The following NELL2 variants were observed in gnomAD, a reference collection of about 807,000 sequenced individuals.
The protein encoded by NELL2 is protein kinase C-binding protein NELL2.
A neutral mutation model predicts 109.6 loss-of-function variants in NELL2; 41 were observed. That is an observed-to-expected ratio of 0.37 (90% CI 0.29 to 0.49). NELL2 has a LOEUF of 0.49. Among genes scored for constraint, NELL2 ranks in the 20% least tolerant of loss-of-function variants. The probability of loss-of-function intolerance (pLI) is 0.98; values close to 1 mark genes in which losing one functional copy is unlikely to be tolerated. For missense variants in NELL2, 900 were observed against 1,008.3 expected (o/e 0.89, Z 1.45); for synonymous variants, 355 against 344.7 (o/e 1.03, Z -0.33).
At chr12:44,684,539 T>C in intron 12 of NELL2, among the ~76,000 whole-genome samples, 1 of 152,230 alleles carries the variant, frequency 6.6e-6, no homozygotes, top group Non-Finnish European at 1.5e-5. Flanking sequence ...TTTCCTGCTT[T>C]CTCTTGTGGG....
intron 15 of NELL2, among the ~76,000 whole-genome samples, chr12:44,601,636 G>T (rs1486099515): frequency 6.6e-6 from 1 of 152,080 alleles, no homozygotes; most frequent in Non-Finnish European, 1.5e-5. Context: ...AAACAGTTCT[G>T]TCTATAAAAG....
At chr12:44,580,376 G>T (rs1327741272) in intron 15 of NELL2, among the ~76,000 whole-genome samples, 1 of 152,122 alleles carries the variant, frequency 6.6e-6, no homozygotes, top group African/African-American at 2.4e-5. Context: ...AGCTCTCACA[G>T]AAAAGCATCA....
intron 1 of NELL2, among the ~76,000 whole-genome samples, chr12:44,909,779 A>T (rs115454621): frequency 0.015 from 2,244 of 151,498 alleles, 53 homozygotes; most frequent in African/African-American, 0.051. Flanking sequence ...ATATATATAC[A>T]CACACACAGC....
In NELL2 at chr12:44,902,391, G is replaced by A. The variant is rs577846990; in HGVS notation, c.38+11408C>T. Among the ~76,000 whole-genome samples, 5 of 152,262 alleles carry A rather than the reference G, an allele frequency of 3.3e-5. No individual in the cohort carries two copies. In the South Asian group the frequency reaches 1.0e-3, roughly 32 times the overall value. ...GGAGAACTAAAAACCGCTGCTCAAG[G>A]AAATAATAGAAGACACAAACAAATG... On this transcript the variant is annotated intron_variant, in intron 1 of 20. Coordinates refer to the NELL2 transcript ENST00000333837.
intron 18 of NELL2, 138 bp downstream of exon 18, chr12:44,521,862 A>C: frequency 1.3e-6 from 1 of 785,184 alleles, no homozygotes; most frequent in Non-Finnish European, 2.0e-6. Flanking sequence ...TCACCTCATC[A>C]TCCTAACCAG....
At chr12:44,781,808 C>T (rs1941971342) in intron 3 of NELL2, among the ~76,000 whole-genome samples, 1 of 151,826 alleles carries the variant, frequency 6.6e-6, no homozygotes, top group Admixed American at 6.6e-5. Flanking sequence ...GCAAAAACAT[C>T]CTTCAGGAAT....
chr12:44,833,727 C>T lies in NELL2; in HGVS notation c.185-17591G>A, dbSNP rs80276810. On this transcript the variant is annotated intron_variant, in intron 2 of 19. Coordinates refer to ENST00000429094, the MANE Select transcript of NELL2 (RefSeq NM_001145108.2). ...GAAGCAAGGTTTACAACCTTGGACT[C>T]GCGGTACAGCTCTAGGTAATACCTG... is the stretch of plus-strand genomic sequence containing the variant. 0.014 allele frequency among the ~76,000 whole-genome samples: 2,061 copies of T among 152,252 alleles called. 108 individuals are homozygous for T. The East Asian group carries it at 0.19, about 14-fold the overall frequency.
chr12:44,625,608 T>C (rs1946229411), intron 13 of NELL2, among the ~76,000 whole-genome samples: 1 of 152,008 alleles, frequency 6.6e-6, no homozygotes, highest in African/African-American at 2.4e-5. Flanking sequence ...TGGAGCAGGT[T>C]GGCATGATAC....
At chr12:44,708,289 A>C (rs1013380059) in intron 11 of NELL2, among the ~76,000 whole-genome samples, 6 of 152,190 alleles carry the variant, frequency 3.9e-5, no homozygotes, top group Non-Finnish European at 8.8e-5. Context: ...CCTAGAACAC[A>C]GTCTTGGGTG....
chr12:44,579,701 T>A (rs1944254415), intron 15 of NELL2, among the ~76,000 whole-genome samples: 2 of 152,204 alleles, frequency 1.3e-5, no homozygotes, highest in African/African-American at 4.8e-5. Flanking sequence ...TTAAACTGTT[T>A]TCTCACTGTA....
intron 12 of NELL2, among the ~76,000 whole-genome samples, chr12:44,675,221 A>T (rs1381009009): frequency 4.6e-5 from 7 of 152,160 alleles, no homozygotes; most frequent in Non-Finnish European, 1.0e-4. Flanking sequence ...AAGAAGCCTG[A>T]ACTCTGGACC....
chr12:44,569,472 A>G (rs908159371), intron 15 of NELL2, among the ~76,000 whole-genome samples: 3 of 152,154 alleles, frequency 2.0e-5, no homozygotes, highest in African/African-American at 7.2e-5. Flanking sequence ...GCTTGCCACA[A>G]TGGTTGAACT....
At chr12:44,616,125 A>G (rs1471998324) in intron 13 of NELL2, among the ~76,000 whole-genome samples, 2 of 152,156 alleles carry the variant, frequency 1.3e-5, no homozygotes, top group Admixed American at 1.3e-4. Context: ...TACCAGCAAT[A>G]TCCTAGATCC....
intron 3 of NELL2, among the ~76,000 whole-genome samples, chr12:44,812,675 C>T (rs993143375): frequency 2.6e-5 from 4 of 151,896 alleles, no homozygotes; most frequent in Non-Finnish European, 5.9e-5. Flanking sequence ...GCAAGAAGAA[C>T]AGGAAAAAAT....
chr12:44,809,848 C>T (rs11182692), intron 3 of NELL2, among the ~76,000 whole-genome samples: 29,273 of 151,964 alleles, frequency 0.19, 3,065 homozygotes, highest in South Asian at 0.3. Flanking sequence ...CCAGAGCATG[C>T]CCATTAATCC....
At chr12:44,703,400 C>T (rs941241124) in intron 12 of NELL2, among the ~76,000 whole-genome samples, 1 of 151,948 alleles carries the variant, frequency 6.6e-6, no homozygotes, top group Non-Finnish European at 1.5e-5. Context: ...AATCTGACTA[C>T]GATTCTAACT....
chr12:44,543,851 C>T (rs1255303658), intron 15 of NELL2, among the ~76,000 whole-genome samples: 2 of 152,094 alleles, frequency 1.3e-5, no homozygotes, highest in East Asian at 3.9e-4. Context: ...CAACTCCTCC[C>T]TCATTTGTGC....
intron 15 of NELL2, among the ~76,000 whole-genome samples, chr12:44,603,394 A>G (rs906056833): frequency 3.3e-5 from 5 of 152,088 alleles, no homozygotes; most frequent in African/African-American, 9.7e-5. Context: ...TTACTGAAAG[A>G]TTTGCTTTTA....
At position 44,910,272 on chromosome 12, in the gene NELL2, A is replaced by G. The variant is rs183981606; in HGVS notation, c.38+3527T>C. ...AATCTATAAGGTTCTTAATTCAACA[A>G]GCAAAAACAAATAATCCCATTAAAG... On this transcript the variant is annotated intron_variant, in intron 1 of 20. Transcript: ENST00000333837. Among the ~76,000 whole-genome samples the G allele has an allele frequency of 1.7e-3, 257 of 152,094 alleles. 1 individual carries two copies. The highest frequency in any genetic ancestry group is 5.7e-3 in the African/African-American group (238 of 41,536).
Sources: allele counts gnomAD v4.1 joint callset (sites outside exome capture counted in the v4.1 genomes callset), GRCh38; gene constraint gnomAD v4.1.1; transcripts MANE v1.5; gene names NCBI Gene and HGNC (gene_info 2026-07-23, HGNC 2026-07-21).